The following LNX1 variants were observed in gnomAD, a reference collection of about 807,000 sequenced individuals.
LNX1 encodes the protein ligand of numb-protein X 1, also known as E3 ubiquitin-protein ligase LNX.
Under a neutral mutation model 68.4 loss-of-function variants are expected in LNX1, and 54 were observed. The observed-to-expected ratio is 0.79, with a 90% CI of 0.63 to 0.99. The LOEUF (loss-of-function observed/expected upper bound fraction) is 0.99, where lower values mean the gene tolerates loss of function less well. Ranked by LOEUF, LNX1 falls within the 50% of genes least tolerant of loss-of-function variation. The pLI is 0.00. For synonymous variants in LNX1, 336 were observed against 350.0 expected (o/e 0.96, Z 0.45); for missense variants, 906 against 926.4 (o/e 0.98, Z 0.29).
At chr4:53,635,523 A>G (rs566379185) in intron 1 of LNX1, among the ~76,000 whole-genome samples, 14 of 152,266 alleles carry the variant, frequency 9.2e-5, no homozygotes, top group Middle Eastern at 3.4e-3. Flanking sequence ...GTATTAATAT[A>G]TTGCAATTAT....
intron 2 of LNX1, among the ~76,000 whole-genome samples, chr4:53,561,562 C>T (rs1446449450): frequency 6.6e-6 from 1 of 152,124 alleles, no homozygotes; most frequent in Non-Finnish European, 1.5e-5. Context: ...GTCTTCCCCA[C>T]TTTGTAGACA....
At chr4:53,505,459 C>T (rs554038255) in intron 4 of LNX1, among the ~76,000 whole-genome samples, 13 of 152,086 alleles carry the variant, frequency 8.5e-5, no homozygotes, top group African/African-American at 2.9e-4. Context: ...ACTGTGTTGG[C>T]CAGGCTGGTC....
At chr4:53,490,648 G>C (rs1421929704) in intron 6 of LNX1, among the ~76,000 whole-genome samples, 1 of 152,176 alleles carries the variant, frequency 6.6e-6, no homozygotes, top group Non-Finnish European at 1.5e-5. Flanking sequence ...CTGTGGGAGA[G>C]AACATGACCA....
At chr4:53,472,981 T>G (rs1213272720) in intron 9 of LNX1, among the ~76,000 whole-genome samples, 3 of 152,214 alleles carry the variant, frequency 2.0e-5, no homozygotes, top group African/African-American at 7.2e-5. Context: ...AAGTTTTTAA[T>G]GCACCTTCTG....
chr4:53,648,673 G>A (rs1177647992), intron 1 of LNX1, among the ~76,000 whole-genome samples: 1 of 152,146 alleles, frequency 6.6e-6, no homozygotes, highest in African/African-American at 2.4e-5. Flanking sequence ...GGTGGACTGT[G>A]GGGGAAGGAG....
upstream of LNX1, among the ~76,000 whole-genome samples, chr4:53,593,588 C>A (rs1358356960): frequency 6.6e-6 from 1 of 152,098 alleles, no homozygotes; most frequent in African/African-American, 2.4e-5. Context: ...GAAAAAACTA[C>A]ACAATTAGCC....
Position 53,601,330 on chromosome 4 carries a change from C to T in LNX1, c.-214-9815G>A, listed in dbSNP as rs113605201. On this transcript the variant is annotated intron_variant, in intron 2 of 3. Transcript: ENST00000504299. Reference sequence around the variant, plus strand: ...GACTGGTCCTTCCAGTTGTGGCTGTCCCCCTGAAGTGGCATGGTCCACCCC... The same window carrying T: ...GACTGGTCCTTCCAGTTGTGGCTGTTCCCCTGAAGTGGCATGGTCCACCCC... Among the ~76,000 whole-genome samples, 567 of 152,222 alleles carry T rather than the reference C, an allele frequency of 3.7e-3. 6 individuals carry two copies. The highest frequency in any genetic ancestry group is 0.013 in the African/African-American group (543 of 41,546).
At chr4:53,559,558 A>G (rs1730136174) in intron 2 of LNX1, among the ~76,000 whole-genome samples, 1 of 152,242 alleles carries the variant, frequency 6.6e-6, no homozygotes, top group Non-Finnish European at 1.5e-5. Context: ...CAATAGTAAT[A>G]GTGCTTAACT....
intron 1 of LNX1, among the ~76,000 whole-genome samples, chr4:53,588,441 G>T (rs1040681427): frequency 2.0e-5 from 3 of 152,190 alleles, no homozygotes; most frequent in Non-Finnish European, 2.9e-5. Flanking sequence ...GGTCACACAG[G>T]TAGCACATGG....
intron 4 of LNX1, among the ~76,000 whole-genome samples, chr4:53,499,420 A>G: frequency 1.3e-5 from 2 of 152,104 alleles, no homozygotes; most frequent in Non-Finnish European, 2.9e-5. Context: ...CGGCCTCCCA[A>G]AGTGCTGGGA....
At chr4:53,482,047 A>C (rs1261518434) in intron 6 of LNX1, among the ~76,000 whole-genome samples, 193 bp from the exon 7 acceptor site, 2 of 152,210 alleles carry the variant, frequency 1.3e-5, no homozygotes, top group African/African-American at 4.8e-5. Context: ...CTTTATCCTT[A>C]AACCAGGTAG....
intron 1 of LNX1, among the ~76,000 whole-genome samples, chr4:53,582,781 G>A (rs1731918826): frequency 6.6e-6 from 1 of 151,914 alleles, no homozygotes; most frequent in Non-Finnish European, 1.5e-5. Context: ...CAGAATGGTT[G>A]CTTAGTTTCA....
chr4:53,518,158 G>A (rs1173646042), intron 2 of LNX1, among the ~76,000 whole-genome samples: 1 of 152,196 alleles, frequency 6.6e-6, no homozygotes. Flanking sequence ...TTGTCAGGGT[G>A]CGGCCAGGAG....
intron 1 of LNX1, among the ~76,000 whole-genome samples, chr4:53,622,731 C>A (rs542771596): frequency 6.6e-6 from 1 of 152,144 alleles, no homozygotes; most frequent in Non-Finnish European, 1.5e-5. Flanking sequence ...TAACACAGTG[C>A]AGTTGCTTGT....
At position 53,558,309 on chromosome 4, in the gene LNX1, C is replaced by T. The variant is rs147037492; in HGVS notation, c.380+15314G>A. On this transcript the variant is annotated intron_variant, in intron 2 of 10. Transcript: ENST00000263925. ...GAAGCAGCTGGTACATTTACATCAC[C>T]GGCTGGGAGCAGACAGGCTGGGAGT... 7.5e-3 allele frequency: 8,066 copies of T among 1,079,914 alleles called. 39 individuals carry two copies. The highest frequency in any genetic ancestry group is 8.1e-3 in the Non-Finnish European group (7,196 of 886,350). The allele number at this position is 1,079,914 out of a possible 1,614,324, so 66.9% of individuals were successfully genotyped here. A position where few individuals can be genotyped will look rare whatever the true frequency, so the allele number is the denominator to read the frequency against.
intron 1 of LNX1, among the ~76,000 whole-genome samples, chr4:53,584,919 C>T (rs575058742): frequency 5.8e-4 from 89 of 152,314 alleles, no homozygotes; most frequent in African/African-American, 2.1e-3. Context: ...TTACTCAAAA[C>T]ATGACACACA....
intron 8 of LNX1, among the ~76,000 whole-genome samples, chr4:53,477,672 A>G (rs1723652800): frequency 6.6e-6 from 1 of 152,186 alleles, no homozygotes; most frequent in Non-Finnish European, 1.5e-5. Flanking sequence ...ATTAAAATAT[A>G]CATCTCCCCT....
intron 2 of LNX1, among the ~76,000 whole-genome samples, chr4:53,519,685 G>GCA (rs369736491): frequency 8.6e-5 from 13 of 151,646 alleles, no homozygotes; most frequent in East Asian, 1.9e-4. Context: ...GCGCGCACAT[G>GCA]CACACACACA....
chr4:53,469,545 T>C (rs1412136728), intron 9 of LNX1, among the ~76,000 whole-genome samples: 3 of 152,122 alleles, frequency 2.0e-5, no homozygotes, highest in Non-Finnish European at 4.4e-5. Context: ...AATCAATGAA[T>C]CCAGGAGCTG....
Sources: gnomAD v4.1 joint callset for allele counts (sites outside exome capture counted in the v4.1 genomes callset) on GRCh38, gnomAD v4.1.1 for gene constraint, MANE v1.5 for transcripts, NCBI Gene and HGNC (gene_info 2026-07-23, HGNC 2026-07-21) for gene names.